The following ZNF765 variants were observed in gnomAD, a reference collection of about 807,000 sequenced individuals.
ZNF765 encodes the protein zinc finger protein 765.
A neutral mutation model predicts 44.7 loss-of-function variants in ZNF765; 37 were observed. The observed-to-expected ratio is 0.83, with a 90% CI of 0.64 to 1.09. The LOEUF is 1.09. Among genes scored for constraint, ZNF765 ranks in the 50% least tolerant of loss-of-function variants. The pLI is 0.00. For synonymous variants in ZNF765, 201 were observed against 213.7 expected, an observed-to-expected ratio of 0.94 and a Z score of 0.52; for missense variants, 594 against 626.1, an observed-to-expected ratio of 0.95 and a Z score of 0.55.
At chr19:53,416,975 G>A (rs141982980), downstream of ZNF765, among the ~76,000 whole-genome samples, 1,589 of 152,010 alleles carry the variant, frequency 0.01, 6 homozygotes, top group Non-Finnish European at 0.016. Context: ...GCACCACCAC[G>A]TCCAGCTAAT....
In ZNF765 at chr19:53,423,660, T is replaced by G; in HGVS notation, c.*558T>G. On this transcript the variant is annotated 3_prime_UTR_variant, in exon 4 of 4. Transcript: ENST00000594030. ...TTCTTCTCATGAGTGGAGACTCCTGTGTATCCAAGCTTTGCTTTGCTTAGA... is the reference window on the plus strand; with the variant it reads ...TTCTTCTCATGAGTGGAGACTCCTGGGTATCCAAGCTTTGCTTTGCTTAGA... 1.3e-5 allele frequency: 3 copies of G among 236,920 alleles called. No homozygotes were observed. In the South Asian group the frequency reaches 1.4e-4, roughly 11 times the overall value. 14.7% of individuals were successfully genotyped at this position (236,920 alleles called of 1,614,324 possible). A position where few individuals can be genotyped will look rare whatever the true frequency, so the allele number is the denominator to read the frequency against.
At chr19:53,400,433 T>C (rs1476817654) in intron 2 of ZNF765, among the ~76,000 whole-genome samples, 1 of 152,040 alleles carries the variant, frequency 6.6e-6, no homozygotes, top group African/African-American at 2.4e-5. Context: ...GAAAGGGTGA[T>C]TACTTCCTCT....
chr19:53,395,732 G>A (rs946201205), intron 1 of ZNF765, among the ~76,000 whole-genome samples: 6 of 152,202 alleles, frequency 3.9e-5, no homozygotes, highest in African/African-American at 1.4e-4. Flanking sequence ...TTAGGGAGGT[G>A]CCCGGGGCCT....
rs746730483 is a variant in ZNF765, at chr19:53,407,838, C to T, written c.283C>T (p.His95Tyr). Residue 95 changes from histidine to tyrosine, a missense_variant, in exon 4 of 4, where the codon CAT becomes TAT. Coordinates refer to ENST00000396408, the MANE Select transcript of ZNF765 (RefSeq NM_001040185.3). ...TTTCCAGGATATTGATAAAGATATT[C>T]ATGACATTGAGTTTCAGTGGCAAGA... ...FCFQDIDKDI[H>Y]DIEFQWQEDE... The T allele has an allele frequency of 6.2e-7, 1 of 1,613,472 alleles. No homozygotes were observed. The highest frequency in any genetic ancestry group is 8.5e-7 in the Non-Finnish European group (1 of 1,179,828).
intron 3 of ZNF765, among the ~76,000 whole-genome samples, chr19:53,422,657 C>G (rs1190324155): frequency 2.0e-5 from 3 of 152,082 alleles, no homozygotes; most frequent in African/African-American, 4.8e-5. Flanking sequence ...TCACTGCAGC[C>G]TCAACCTCCT....
rs944899094 is a variant in ZNF765 at position 53,407,959 on chromosome 19, C to G, written c.404C>G (p.Pro135Arg). The G allele has an allele frequency of 6.2e-7, 1 of 1,614,152 alleles. No individual in the cohort carries two copies. The highest frequency in any genetic ancestry group is 1.3e-5 in the African/African-American group (1 of 75,036). The change falls in exon 4 of 4, where the codon CCT becomes CGT. Residue 135 changes from proline to arginine, a missense_variant. Physicochemically the swap from Pro to Arg is moderately radical, Grantham distance 103. Around this residue, in one of 2 missense-constraint regions of ZNF765, gnomAD observed 567 missense variants for 572.6 expected, o/e 0.99. Coordinates refer to ENST00000396408, the MANE Select transcript of ZNF765 (RefSeq NM_001040185.3). ...RYDQNYAGNK[P>R]VKYQLGFSFH... Reference sequence around the variant, plus strand: ...GATCAAAATTATGCTGGAAACAAGCCTGTTAAATATCAGCTTGGATTCAGC... The same window carrying G: ...GATCAAAATTATGCTGGAAACAAGCGTGTTAAATATCAGCTTGGATTCAGC...
chr19:53,419,164 GT>G (rs1172275882), intron 3 of ZNF765, among the ~76,000 whole-genome samples: 1 of 152,098 alleles, frequency 6.6e-6, no homozygotes, highest in Admixed American at 6.6e-5. Context: ...TGAAACCTGG[GT>G]TTTAAGGTGC....
chr19:53,406,886 G>A (rs546535865), intron 3 of ZNF765, among the ~76,000 whole-genome samples: 8 of 152,292 alleles, frequency 5.3e-5, no homozygotes, highest in African/African-American at 1.9e-4. Flanking sequence ...TTGAACTCCA[G>A]GCGGTTGTGA....
At position 53,408,846 on chromosome 19, in the gene ZNF765, C is replaced by T. The variant is rs538441992; in HGVS notation, c.1291C>T (p.Leu431Phe). The T allele has an allele frequency of 4.3e-6, 7 of 1,613,482 alleles. No individual in the cohort carries two copies. Among genetic ancestry groups the T allele is most frequent in the Non-Finnish European group, 5.9e-6 (7 of 1,179,902 alleles). ...NQQLTLNICRLHSGEKPYKCE... is the reference protein window; with the variant it reads ...NQQLTLNICRFHSGEKPYKCE... ...GCAGTTAACCCTTAACATTTGTAGA[C>T]TTCATAGTGGAGAGAAACCTTACAA... Residue 431 changes from leucine (L) to phenylalanine (F), a missense_variant, in exon 4 of 4, where the codon CTT (leucine) becomes TTT (phenylalanine). Leu to Phe is a conservative substitution (Grantham distance 22). This residue lies in a region of ZNF765 where 567 missense variants were observed against 572.6 expected (regional missense o/e 0.99). Coordinates refer to ENST00000396408, the MANE Select transcript of ZNF765 (RefSeq NM_001040185.3).
At chr19:53,426,500 C>T (rs2085940360) in exon 4 of ZNF765, 1 of 152,118 alleles carries the variant, frequency 6.6e-6, no homozygotes, top group African/African-American at 2.4e-5. Flanking sequence ...TCAAGCTGCA[C>T]TAATCTAGAC....
Position 53,408,815 on chromosome 19 carries a change from C to G in ZNF765, c.1260C>G (p.Phe420Leu). 2 of 1,613,970 alleles carry G rather than the reference C, an allele frequency of 1.2e-6. No homozygotes were observed. Among genetic ancestry groups the G allele is most frequent in the South Asian group, 1.1e-5 (1 of 91,058 alleles). ...AGTGTAATGAGTGTGGCAAGACCTT[C>G]AATCAGCAGTTAACCCTTAACATTT... is the stretch of plus-strand genomic sequence containing the variant. ...PYKCNECGKT[F>L]NQQLTLNICR... is the part of the protein sequence containing the mutation. The change falls in exon 4 of 4, where the codon TTC becomes TTG. Residue 420 changes from phenylalanine to leucine, a missense_variant. Coordinates refer to ENST00000396408, the MANE Select transcript of ZNF765 (RefSeq NM_001040185.3).
intron 2 of ZNF765, among the ~76,000 whole-genome samples, chr19:53,400,530 A>T (rs1315304497): frequency 6.6e-6 from 1 of 151,896 alleles, no homozygotes; most frequent in Non-Finnish European, 1.5e-5. Context: ...GCAAGATGAG[A>T]TTCCTCTTCA....
At position 53,402,155 on chromosome 19, in the gene ZNF765, G is replaced by A. The variant is rs757121645; in HGVS notation, c.106G>A (p.Val36Met). ...TGCTCAGAGGACTCTATACAGGGAC[G>A]TGATGCTGGAGAATTATAGGAACCT... ...DPAQRTLYRDVMLENYRNLVS... is the reference protein window; with the variant it reads ...DPAQRTLYRDMMLENYRNLVS... Residue 36 changes from valine to methionine, a missense_variant, in exon 3 of 4, where the codon GTG becomes ATG. This residue lies in a region of ZNF765 where 27 missense variants were observed against 53.6 expected (regional missense o/e 0.50). Transcript: ENST00000396408. 106 of 1,613,814 alleles carry A rather than the reference G, an allele frequency of 6.6e-5. 1 individual carries two copies. Among genetic ancestry groups the A allele is most frequent in the Non-Finnish European group, 8.6e-5 (101 of 1,179,988 alleles).
In ZNF765 at chr19:53,407,826, GAT is replaced by G; in HGVS notation, c.273_274del (p.Asp91GlufsTer5). On this transcript the variant is annotated frameshift_variant, in exon 4 of 4. Coordinates refer to ENST00000396408, the MANE Select transcript of ZNF765 (RefSeq NM_001040185.3). LOFTEE classifies it high-confidence loss of function. Reference protein sequence around the residue: ...HNGDFCFQDIDKDIHDIEFQW... With the variant: ...HNGDFCFQDIXKDIHDIEFQW... Reference sequence around the variant, plus strand: ...TGGAGATTTTTGTTTCCAGGATATTGATAAAGATATTCATGACATTGAGTTTC... The same window carrying G: ...TGGAGATTTTTGTTTCCAGGATATTGAAAGATATTCATGACATTGAGTTTC... The G allele has an allele frequency of 6.2e-7, 1 of 1,613,626 alleles. No individual in the cohort carries two copies. Among genetic ancestry groups the G allele is most frequent in the Non-Finnish European group, 8.5e-7 (1 of 1,179,860 alleles).
chr19:53,403,667 A>G (rs1339097674), intron 3 of ZNF765, among the ~76,000 whole-genome samples: 1 of 152,186 alleles, frequency 6.6e-6, no homozygotes, highest in Non-Finnish European at 1.5e-5. Context: ...AACATGGCGA[A>G]ACTCCGTCTC....
In ZNF765 at chr19:53,410,049, A is replaced by G. The variant is rs1412751430; in HGVS notation, c.*922A>G. On this transcript the variant is annotated 3_prime_UTR_variant, in exon 4 of 4. Coordinates refer to ENST00000396408, the MANE Select transcript of ZNF765 (RefSeq NM_001040185.3). ...GCAGAAAATTTTTCAGACATCCTTCATACCTTTGCAGTTCATGGGTGAAGT... is the reference window on the plus strand; with the variant it reads ...GCAGAAAATTTTTCAGACATCCTTCGTACCTTTGCAGTTCATGGGTGAAGT... 13 of 473,954 alleles carry G rather than the reference A, an allele frequency of 2.7e-5. No homozygotes were observed. The highest frequency in any genetic ancestry group is 5.6e-5 in the Non-Finnish European group (13 of 233,284). 29.4% of individuals were successfully genotyped at this position (473,954 alleles called of 1,614,324 possible).
downstream of ZNF765, among the ~76,000 whole-genome samples, chr19:53,414,500 C>A (rs1210625558): frequency 8.0e-3 from 354 of 44,250 alleles, 26 homozygotes; most frequent in Non-Finnish European, 0.015. Context: ...CCCCCCCCCC[C>A]CCCCCCCCCG....
intron 2 of ZNF765, among the ~76,000 whole-genome samples, chr19:53,401,426 G>A (rs1386732277): frequency 3.9e-5 from 6 of 152,222 alleles, no homozygotes; most frequent in Admixed American, 3.3e-4. Flanking sequence ...AGCTGGGCGT[G>A]GTGGTGGGCG....
downstream of ZNF765, among the ~76,000 whole-genome samples, chr19:53,413,025 A>G (rs1303858773): frequency 2.6e-5 from 4 of 151,958 alleles, no homozygotes; most frequent in African/African-American, 4.8e-5. Context: ...CCAGAGAATC[A>G]CTTGAACCTC....
Sources: allele counts gnomAD v4.1 joint callset (sites outside exome capture counted in the v4.1 genomes callset), GRCh38; gene constraint gnomAD v4.1.1; regional missense constraint gnomAD v4.1.1; transcripts MANE v1.5; gene names NCBI Gene and HGNC (gene_info 2026-07-23, HGNC 2026-07-21).